Variants in FHIT observed in about 807,000 individuals in gnomAD.
FHIT encodes bis(5'-adenosyl)-triphosphatase.
FHIT carries 19 observed loss-of-function variants against 17.9 expected under a neutral mutation model. That is an observed-to-expected ratio of 1.06 (90% confidence interval 0.74 to 1.56). FHIT has a LOEUF of 1.56. FHIT is among the 40% of genes most tolerant of loss of function. FHIT has a pLI of 0.00. For synonymous variants in FHIT, 81 were observed against 69.7 expected (o/e 1.16, Z -0.81); for missense variants, 248 against 189.2 (o/e 1.31, Z -1.82).
intron 4 of FHIT, among the ~76,000 whole-genome samples, chr3:60,813,940 T>C (rs1213416090): frequency 1.3e-5 from 2 of 152,222 alleles, no homozygotes; most frequent in African/African-American, 4.8e-5. Flanking sequence ...CCATGGTGTA[T>C]TTATTTCCAT....
At chr3:61,029,893 G>C (rs1248039937) in intron 3 of FHIT, among the ~76,000 whole-genome samples, 1 of 152,148 alleles carries the variant, frequency 6.6e-6, no homozygotes, top group African/African-American at 2.4e-5. Flanking sequence ...AGTGTAAAGA[G>C]CTATCACCTA....
At chr3:60,560,074 T>C (rs566349897) in intron 4 of FHIT, among the ~76,000 whole-genome samples, 5 of 151,946 alleles carry the variant, frequency 3.3e-5, no homozygotes, top group African/African-American at 1.2e-4. Flanking sequence ...CATGGTATGC[T>C]CTGATGGGGA....
At chr3:59,956,615 C>T (rs1039747183) in intron 7 of FHIT, among the ~76,000 whole-genome samples, 30 of 152,104 alleles carry the variant, frequency 2.0e-4, no homozygotes, top group Non-Finnish European at 4.0e-4. Flanking sequence ...TTACCGTGAG[C>T]CAAGATCGCG....
intron 4 of FHIT, among the ~76,000 whole-genome samples, chr3:60,543,231 T>A (rs2121856): frequency 0.95 from 144,530 of 152,256 alleles, 68,674 homozygotes; most frequent in East Asian, 1. Flanking sequence ...TTTATTTGAA[T>A]AAACAGGCAG....
At chr3:60,894,028 A>T (rs1553761335) in intron 3 of FHIT, among the ~76,000 whole-genome samples, 1 of 152,192 alleles carries the variant, frequency 6.6e-6, no homozygotes, top group Non-Finnish European at 1.5e-5. Context: ...GCCTTCCCTG[A>T]AATCAACACT....
At chr3:59,755,927 A>G (rs1701194697) in intron 8 of FHIT, among the ~76,000 whole-genome samples, 1 of 152,210 alleles carries the variant, frequency 6.6e-6, no homozygotes, top group East Asian at 1.9e-4. Flanking sequence ...CTGAGCTTGA[A>G]CAATGAGAAG....
intron 5 of FHIT, among the ~76,000 whole-genome samples, chr3:60,181,007 T>C (rs1025221588): frequency 6.6e-6 from 1 of 152,148 alleles, no homozygotes; most frequent in Non-Finnish European, 1.5e-5. Flanking sequence ...AATTACAGTC[T>C]CTTTAAAGTA....
intron 5 of FHIT, among the ~76,000 whole-genome samples, chr3:60,032,867 A>C (rs897004116): frequency 1.3e-5 from 2 of 152,336 alleles, no homozygotes; most frequent in African/African-American, 4.8e-5. Context: ...TTAAGTGTAT[A>C]ATCAGCCACC....
intron 5 of FHIT, among the ~76,000 whole-genome samples, chr3:60,398,124 G>A (rs1054618369): frequency 1.3e-5 from 2 of 151,980 alleles, no homozygotes; most frequent in Non-Finnish European, 2.9e-5. Context: ...ACAAGAACTC[G>A]GACCTAGCTG....
chr3:60,036,622 G>A (rs779222173), intron 5 of FHIT, among the ~76,000 whole-genome samples: 4 of 151,982 alleles, frequency 2.6e-5, no homozygotes, highest in East Asian at 1.9e-4. Context: ...CCATAGTCCC[G>A]CCACCCTAAA....
chr3:60,491,897 T>C lies in FHIT; in HGVS notation c.103+44963A>G, dbSNP rs527831849. Among the ~76,000 whole-genome samples the C allele has an allele frequency of 2.0e-4, 31 of 152,322 alleles. 1 individual carries two copies. The South Asian group carries it at 6.0e-3, about 30-fold the overall frequency. On this transcript the variant is annotated intron_variant, in intron 5 of 9. Transcript: ENST00000492590. Reference sequence around the variant, plus strand: ...CAATATTTGATTTAATATTTGTATTTAGAATATGAAAAGTTTGCTTAAAGT... The same window carrying C: ...CAATATTTGATTTAATATTTGTATTCAGAATATGAAAAGTTTGCTTAAAGT...
At chr3:60,367,513 C>T (rs937486173) in intron 5 of FHIT, among the ~76,000 whole-genome samples, 1 of 152,168 alleles carries the variant, frequency 6.6e-6, no homozygotes, top group Admixed American at 6.5e-5. Context: ...AAATCTCAAA[C>T]TAAACCCTCT....
At chr3:60,715,627 G>C (rs1159740681) in intron 4 of FHIT, among the ~76,000 whole-genome samples, 1 of 120,188 alleles carries the variant, frequency 8.3e-6, no homozygotes, top group Non-Finnish European at 1.7e-5. Flanking sequence ...GTTGTGGGGT[G>C]GGGGGAGGGG....
chr3:60,183,315 T>C (rs1024630962), intron 5 of FHIT, among the ~76,000 whole-genome samples: 8 of 152,240 alleles, frequency 5.3e-5, no homozygotes, highest in African/African-American at 1.2e-4. Context: ...GGAGAATCAC[T>C]TGAACCCAGG....
chr3:60,426,784 T>C (rs1303362188), intron 5 of FHIT, among the ~76,000 whole-genome samples: 1 of 152,174 alleles, frequency 6.6e-6, no homozygotes, highest in Non-Finnish European at 1.5e-5. Flanking sequence ...CCTACATCTC[T>C]TGGCATGCAG....
chr3:60,308,107 T>C (rs1272016509), intron 5 of FHIT, among the ~76,000 whole-genome samples: 1 of 152,100 alleles, frequency 6.6e-6, no homozygotes, highest in East Asian at 1.9e-4. Context: ...GAGTTGAACT[T>C]GATAAATCCA....
chr3:60,454,651 T>C (rs915808430), intron 5 of FHIT, among the ~76,000 whole-genome samples: 2 of 152,166 alleles, frequency 1.3e-5, no homozygotes, highest in African/African-American at 4.8e-5. Context: ...CTCAAAGTGC[T>C]GGGATTATAG....
chr3:60,920,138 A>G (rs1315110882), intron 3 of FHIT, among the ~76,000 whole-genome samples: 1 of 152,318 alleles, frequency 6.6e-6, no homozygotes, highest in African/African-American at 2.4e-5. Context: ...TTTCAATAAA[A>G]TGGGAGATAA....
chr3:60,571,763 A>G (rs1304584404), intron 4 of FHIT, among the ~76,000 whole-genome samples: 6 of 152,200 alleles, frequency 3.9e-5, no homozygotes, highest in Admixed American at 3.9e-4. Flanking sequence ...CTCTGGAAAG[A>G]GTGTTCTTTG....
Sources: gnomAD v4.1 joint callset for allele counts (sites outside exome capture counted in the v4.1 genomes callset) on GRCh38, gnomAD v4.1.1 for gene constraint, MANE v1.5 for transcripts, NCBI Gene and HGNC (gene_info 2026-07-23, HGNC 2026-07-21) for gene names.